PARP11: variants seen among roughly 807,000 people sequenced by gnomAD.
PARP11 encodes the protein poly(ADP-ribose) polymerase family member 11.
In PARP11, 31 loss-of-function variants were observed where a neutral mutation model predicts 42.9. The ratio of observed to expected loss-of-function variants is 0.72; its 90% confidence interval spans 0.54 to 0.98. The LOEUF is 0.98. Among genes scored for constraint, PARP11 ranks in the 50% least tolerant of loss-of-function variants. The pLI, the probability that PARP11 is intolerant of heterozygous loss-of-function variation, is 0.00. For synonymous variants in PARP11, 137 were observed against 127.3 expected (o/e 1.08, Z -0.51); for missense variants, 365 against 413.1 (o/e 0.88, Z 1.01).
At chr12:3,831,286 T>A (rs1193469026) in intron 1 of PARP11, among the ~76,000 whole-genome samples, 1 of 152,196 alleles carries the variant, frequency 6.6e-6, no homozygotes. Context: ...TGTATAATTA[T>A]ACACACATAA....
chr12:3,859,651 C>T lies in PARP11; in HGVS notation c.18+13561G>A, dbSNP rs565258554. ...TGTGAGTAAACTAATCCAATCAAAA[C>T]GTAGATTTTTCAGATTAGATTTTTT... On this transcript the variant is annotated intron_variant, in intron 1 of 7. Transcript: ENST00000228820. 1.5e-4 allele frequency among the ~76,000 whole-genome samples: 22 copies of T among 150,988 alleles called. No individual in the cohort carries two copies. The South Asian group carries it at 3.1e-3, about 22-fold the overall frequency.
At chr12:3,855,279 C>G (rs960050614) in intron 1 of PARP11, among the ~76,000 whole-genome samples, 2 of 152,108 alleles carry the variant, frequency 1.3e-5, no homozygotes, top group Non-Finnish European at 2.9e-5. Flanking sequence ...AAAGTTCTGG[C>G]CAGGGCAATC....
chr12:3,828,287 G>A (rs1029899732), intron 3 of PARP11, among the ~76,000 whole-genome samples: 8 of 152,258 alleles, frequency 5.3e-5, no homozygotes, highest in East Asian at 3.9e-4. Flanking sequence ...GGTGGCTCAC[G>A]CCTGTAATCC....
In PARP11 at chr12:3,855,185, G is replaced by C. The variant is rs183004854; in HGVS notation, c.18+18027C>G. 5.3e-5 allele frequency among the ~76,000 whole-genome samples: 8 copies of C among 152,300 alleles called. No homozygotes were observed. In the East Asian group the frequency reaches 1.5e-3, roughly 29 times the overall value. ...ACCCACAGCCAATATCAAACTGAAT[G>C]AGCAAAAACTGGAAGCATTCCCTTT... On this transcript the variant is annotated intron_variant, in intron 1 of 7. Coordinates refer to ENST00000228820, the MANE Select transcript of PARP11 (RefSeq NM_020367.6).
intron 6 of PARP11, 26 bp from the exon 7 acceptor site, chr12:3,814,214 A>C: frequency 6.5e-7 from 1 of 1,537,124 alleles, no homozygotes; most frequent in Non-Finnish European, 8.8e-7. Context: ...ACACAGACAC[A>C]AAAGCACACA....
At chr12:3,830,109 G>T in intron 1 of PARP11, 91 bp from the exon 2 acceptor site, 1 of 1,151,934 alleles carries the variant, frequency 8.7e-7, no homozygotes, top group Non-Finnish European at 1.3e-6. Flanking sequence ...ACAAAGAGTG[G>T]TATTCAAGTG....
At chr12:3,848,972 A>C (rs1293860734) in intron 1 of PARP11, among the ~76,000 whole-genome samples, 2 of 151,824 alleles carry the variant, frequency 1.3e-5, no homozygotes, top group African/African-American at 4.8e-5. Flanking sequence ...AAAAAAAAAA[A>C]CACAAATAAT....
At chr12:3,862,090 A>C (rs1238321998) in intron 1 of PARP11, among the ~76,000 whole-genome samples, 1 of 152,170 alleles carries the variant, frequency 6.6e-6, no homozygotes, top group African/African-American at 2.4e-5. Flanking sequence ...AAAGATGTTC[A>C]ACATGATTAG....
At chr12:3,870,473 G>C (rs773069805) in intron 1 of PARP11, among the ~76,000 whole-genome samples, 2 of 152,170 alleles carry the variant, frequency 1.3e-5, no homozygotes, top group Non-Finnish European at 2.9e-5. Context: ...AACAAATCAA[G>C]TATATAAGAC....
intron 1 of PARP11, chr12:3,872,656 G>C (rs1341975776): frequency 2.0e-5 from 20 of 985,228 alleles, no homozygotes; most frequent in Non-Finnish European, 2.4e-5. Flanking sequence ...AGAACTGATG[G>C]CTCCTCTTAG....
chr12:3,870,228 T>C lies in PARP11; in HGVS notation c.18+2984A>G, dbSNP rs374484346. 3.9e-5 allele frequency among the ~76,000 whole-genome samples: 6 copies of C among 152,258 alleles called. No individual in the cohort carries two copies. The East Asian group carries it at 7.7e-4, about 20-fold the overall frequency. ...TAGAATGTTGATTTTTAAAACCAAATTGCGCTTACTGATATCATTCATATG... is the reference window on the plus strand; with the variant it reads ...TAGAATGTTGATTTTTAAAACCAAACTGCGCTTACTGATATCATTCATATG... On this transcript the variant is annotated intron_variant, in intron 1 of 7. Transcript: ENST00000228820.
chr12:3,865,923 T>TC (rs1948381622), intron 1 of PARP11, among the ~76,000 whole-genome samples: 1 of 151,896 alleles, frequency 6.6e-6, no homozygotes, highest in Non-Finnish European at 1.5e-5. Context: ...TTCTTTGTTC[T>TC]CTTTTTTTTC....
At chr12:3,857,557 T>G (rs922254976) in intron 1 of PARP11, among the ~76,000 whole-genome samples, 2 of 152,000 alleles carry the variant, frequency 1.3e-5, no homozygotes, top group Non-Finnish European at 2.9e-5. Context: ...CACATATAAG[T>G]GTAAACTTGC....
Position 3,840,837 on chromosome 12 carries a change from C to G in PARP11, c.19-10819G>C. 1 of 1,595,686 alleles carries G rather than the reference C, an allele frequency of 6.3e-7. No homozygotes were observed. The stretch of plus-strand genomic sequence containing the variant: ...CATCAAAGTCAAAGAAGTTAGAGTG[C>G]CCTTCTCCTGCAGAACAAAAGCCAG... On this transcript the variant is annotated intron_variant, in intron 1 of 7. Coordinates refer to ENST00000228820, the MANE Select transcript of PARP11 (RefSeq NM_020367.6). This position sits in a 1 kb window ranked among gnomAD's most constrained non-coding sequence, Gnocchi z 4.4.
At chr12:3,815,469 C>G (rs1947267819) in intron 6 of PARP11, among the ~76,000 whole-genome samples, 1 of 152,196 alleles carries the variant, frequency 6.6e-6, no homozygotes, top group African/African-American at 2.4e-5. Context: ...GCTTTCTTTT[C>G]TTGGTTAAAT....
chr12:3,836,638 A>G (rs1346714654), intron 1 of PARP11, among the ~76,000 whole-genome samples: 4 of 152,236 alleles, frequency 2.6e-5, no homozygotes, highest in South Asian at 4.1e-4. Flanking sequence ...TGCCAGTTCC[A>G]AGATGGTGGC....
intron 6 of PARP11, among the ~76,000 whole-genome samples, chr12:3,816,336 C>A (rs1235218858): frequency 2.0e-5 from 3 of 152,198 alleles, no homozygotes; most frequent in Non-Finnish European, 4.4e-5. Flanking sequence ...GATAAGCAAG[C>A]CCTCTACATT....
intron 1 of PARP11, among the ~76,000 whole-genome samples, chr12:3,845,488 G>C (rs1947978899): frequency 2.0e-5 from 3 of 152,188 alleles, no homozygotes; most frequent in Admixed American, 2.0e-4. Context: ...AACCATTTCT[G>C]GTTTAGAAAA....
intron 6 of PARP11, chr12:3,815,024 A>G (rs1463999859): frequency 4.4e-6 from 2 of 456,600 alleles, no homozygotes; most frequent in Non-Finnish European, 8.8e-6. Flanking sequence ...GGAGAGTAGG[A>G]CAGGGATGGA....
Sources: gnomAD v4.1 joint callset for allele counts (sites outside exome capture counted in the v4.1 genomes callset) on GRCh38, gnomAD v4.1.1 for gene constraint, Gnocchi (gnomAD v3.1) non-coding constraint, MANE v1.5 for transcripts, NCBI Gene and HGNC (gene_info 2026-07-23, HGNC 2026-07-21) for gene names.